The following DDAH1 variants were observed in gnomAD, a reference collection of about 807,000 sequenced individuals.
DDAH1 encodes the protein dimethylarginine dimethylaminohydrolase 1.
In DDAH1, 19 loss-of-function variants were observed where a neutral mutation model predicts 28.8. The observed-to-expected ratio is 0.66, with a 90% CI of 0.46 to 0.97. The LOEUF is 0.97. Among genes scored for constraint, DDAH1 ranks in the 50% least tolerant of loss-of-function variants. The pLI, the probability that DDAH1 is intolerant of heterozygous loss-of-function variation, is 0.00. For missense variants in DDAH1, 326 were observed against 375.9 expected (o/e 0.87, Z 1.10); for synonymous variants, 153 against 154.4 (o/e 0.99, Z 0.07).
chr1:85,345,051 G>A (rs1422613342), intron 4 of DDAH1, among the ~76,000 whole-genome samples: 1 of 152,154 alleles, frequency 6.6e-6, no homozygotes, highest in Non-Finnish European at 1.5e-5. Context: ...TATACAAAGT[G>A]TAATATATAA....
At chr1:85,388,978 A>G (rs1172473416) in intron 1 of DDAH1, among the ~76,000 whole-genome samples, 1 of 152,186 alleles carries the variant, frequency 6.6e-6, no homozygotes, top group Non-Finnish European at 1.5e-5. Flanking sequence ...TTTTTCTGAT[A>G]GTTGCTAGTT....
intron 4 of DDAH1, among the ~76,000 whole-genome samples, chr1:85,349,032 A>T (rs1649037660): frequency 6.6e-6 from 1 of 152,226 alleles, no homozygotes; most frequent in Non-Finnish European, 1.5e-5. Context: ...ACGGATAGAT[A>T]CCACAGTCCC....
chr1:85,389,348 A>G (rs1651429977), intron 1 of DDAH1, among the ~76,000 whole-genome samples: 1 of 152,218 alleles, frequency 6.6e-6, no homozygotes, highest in African/African-American at 2.4e-5. Flanking sequence ...TAGCATGGTG[A>G]CCTACTCAGT....
intron 1 of DDAH1, chr1:85,404,320 A>C (rs1422893341): frequency 1.3e-6 from 2 of 1,490,804 alleles, no homozygotes; most frequent in Non-Finnish European, 1.8e-6. Flanking sequence ...GTAGGATTGC[A>C]GTTGACAAAG....
At chr1:85,506,604 G>A (rs150873746) in intron 1 of DDAH1, among the ~76,000 whole-genome samples, 9 of 152,252 alleles carry the variant, frequency 5.9e-5, no homozygotes, top group South Asian at 2.1e-4. Context: ...CCCTCTATGC[G>A]GGCATTTGAG....
At position 85,324,813 on chromosome 1, in the gene DDAH1, A is replaced by T. The variant is rs1647270657; in HGVS notation, c.668T>A (p.Ile223Lys). The T allele has an allele frequency of 6.2e-7, 1 of 1,613,996 alleles. No individual in the cohort carries two copies. The highest frequency in any genetic ancestry group is 1.7e-5 in the Admixed American group (1 of 60,004). The change falls in exon 5 of 6, where the codon ATA (isoleucine) becomes AAA (lysine). Residue 223 changes from isoleucine to lysine, a missense_variant. Physicochemically the swap from Ile to Lys is moderately radical, Grantham distance 102 (BLOSUM62 -3). Coordinates refer to ENST00000284031, the MANE Select transcript of DDAH1 (RefSeq NM_012137.4). ...CCCTTTGTTGGGGATATTTAGATAT[A>T]TACAGTTTGCTGCTATGTCATCAGG... Reference protein sequence around the residue: ...TVPDDIAANCIYLNIPNKGHV... With the variant: ...TVPDDIAANCKYLNIPNKGHV...
intron 1 of DDAH1, among the ~76,000 whole-genome samples, chr1:85,564,087 G>A (rs566091406): frequency 9.9e-4 from 150 of 152,202 alleles, no homozygotes; most frequent in African/African-American, 1.7e-3. Context: ...CAGGGGAACC[G>A]CTTGAACCCT....
chr1:85,449,735 G>C (rs1468993640), intron 1 of DDAH1, among the ~76,000 whole-genome samples: 1 of 152,178 alleles, frequency 6.6e-6, no homozygotes, highest in Admixed American at 6.5e-5. Flanking sequence ...TGCATGTGTG[G>C]TGGGTGAAAG....
At chr1:85,344,175 A>ATTCTT (rs1261067272) in intron 4 of DDAH1, among the ~76,000 whole-genome samples, 1 of 152,048 alleles carries the variant, frequency 6.6e-6, no homozygotes, top group African/African-American at 2.4e-5. Context: ...TGATCTCATA[A>ATTCTT]TTCTTTTCTT....
chr1:85,406,197 C>A (rs57527592), intron 1 of DDAH1, among the ~76,000 whole-genome samples: 1 of 152,150 alleles, frequency 6.6e-6, no homozygotes, highest in African/African-American at 2.4e-5. Flanking sequence ...CCAAAAGCCA[C>A]GTTCTATCTC....
At chr1:85,455,052 A>G (rs1654825341) in intron 1 of DDAH1, among the ~76,000 whole-genome samples, 1 of 152,222 alleles carries the variant, frequency 6.6e-6, no homozygotes, top group East Asian at 1.9e-4. Flanking sequence ...TGGCATGCAG[A>G]AAGTTAGAAA....
At chr1:85,392,590 C>T (rs541864966) in intron 1 of DDAH1, among the ~76,000 whole-genome samples, 14 of 151,822 alleles carry the variant, frequency 9.2e-5, no homozygotes, top group Admixed American at 3.3e-4. Context: ...GTCAGGAGTT[C>T]GAGACCAGTC....
rs551473857 is a variant in DDAH1, at chr1:85,365,931, C to G, written c.304-7084G>C. ...GGAGATTACCCTGGGTGGGCTTGACCTAAGGAGAACCCTTAAACGTGGGTT... is the reference window on the plus strand; with the variant it reads ...GGAGATTACCCTGGGTGGGCTTGACGTAAGGAGAACCCTTAAACGTGGGTT... On this transcript the variant is annotated intron_variant, in intron 1 of 5. Transcript: ENST00000284031. 4.6e-5 allele frequency among the ~76,000 whole-genome samples: 7 copies of G among 152,092 alleles called. No homozygotes were observed. In the East Asian group the frequency reaches 1.2e-3, roughly 25 times the overall value.
chr1:85,513,561 G>C (rs1657327390), intron 1 of DDAH1, among the ~76,000 whole-genome samples: 1 of 152,138 alleles, frequency 6.6e-6, no homozygotes, highest in South Asian at 2.1e-4. Flanking sequence ...AGAGTGAACA[G>C]GCAACCTACA....
chr1:85,328,240 G>T (rs1255990478), intron 4 of DDAH1, among the ~76,000 whole-genome samples: 1 of 152,190 alleles, frequency 6.6e-6, no homozygotes, highest in Non-Finnish European at 1.5e-5. Flanking sequence ...ATTACCTGCA[G>T]AGTATGTGGC....
upstream of DDAH1, among the ~76,000 whole-genome samples, chr1:85,466,685 G>A (rs978243224): frequency 1.3e-5 from 2 of 152,106 alleles, no homozygotes; most frequent in South Asian, 2.1e-4. Flanking sequence ...AGCCCCATTA[G>A]CCCCAGTTTA....
intron 1 of DDAH1, among the ~76,000 whole-genome samples, chr1:85,412,112 T>C (rs1476117754): frequency 6.6e-6 from 1 of 152,222 alleles, no homozygotes; most frequent in Non-Finnish European, 1.5e-5. Context: ...AAAAGAATAT[T>C]TTTTTAAAAA....
chr1:85,406,759 T>C (rs964464865), intron 1 of DDAH1, among the ~76,000 whole-genome samples: 2 of 152,058 alleles, frequency 1.3e-5, no homozygotes, highest in South Asian at 4.1e-4. Flanking sequence ...TTATTACATA[T>C]AGAGAACAGA....
rs976677758 is a variant in DDAH1 at position 85,376,522 on chromosome 1, C to T, written c.304-17675G>A. ...GTCTCTCCAAATTCAGGGTACTAAA[C>T]GCTTGCCTCCATCCAGGCAGTTTTC... On this transcript the variant is annotated intron_variant, in intron 1 of 5. Coordinates refer to ENST00000284031, the MANE Select transcript of DDAH1 (RefSeq NM_012137.4). Among the ~76,000 whole-genome samples the T allele has an allele frequency of 3.9e-5, 6 of 152,170 alleles. No homozygotes were observed. The East Asian group carries it at 5.8e-4, about 15-fold the overall frequency.
Sources: allele counts gnomAD v4.1 joint callset (sites outside exome capture counted in the v4.1 genomes callset), GRCh38; gene constraint gnomAD v4.1.1; transcripts MANE v1.5; gene names NCBI Gene and HGNC (gene_info 2026-07-23, HGNC 2026-07-21).